SH3RF3: variants seen among roughly 807,000 people sequenced by gnomAD.
The protein encoded by SH3RF3 is SH3 domain containing ring finger 3.
SH3RF3 carries 29 observed loss-of-function variants against 66.3 expected under a neutral mutation model. The observed-to-expected ratio is 0.44, with a 90% confidence interval of 0.33 to 0.60. The LOEUF (loss-of-function observed/expected upper bound fraction) is 0.60. Ranked by LOEUF, SH3RF3 falls within the 20% of genes least tolerant of loss-of-function variation. The pLI, the probability that SH3RF3 is intolerant of heterozygous loss-of-function variation, is 0.04. For missense variants in SH3RF3, 1,194 were observed against 1,190.9 expected (o/e 1.00, Z -0.04); for synonymous variants, 583 against 532.0 (o/e 1.10, Z -1.32).
At chr2:109,153,555 C>T (rs112629048) in intron 1 of SH3RF3, among the ~76,000 whole-genome samples, 89 of 152,306 alleles carry the variant, frequency 5.8e-4, no homozygotes, top group African/African-American at 1.7e-3. Flanking sequence ...GCCTTATCAC[C>T]GGGTCACCTG....
At chr2:109,450,495 T>C (rs1677837685) in intron 8 of SH3RF3, among the ~76,000 whole-genome samples, 3 of 152,238 alleles carry the variant, frequency 2.0e-5, no homozygotes, top group Non-Finnish European at 2.9e-5. Flanking sequence ...TCAAATCTAA[T>C]TTTAAATTTT....
At chr2:109,393,787 T>A (rs1453325025) in intron 3 of SH3RF3, among the ~76,000 whole-genome samples, 2 of 152,070 alleles carry the variant, frequency 1.3e-5, no homozygotes, top group Non-Finnish European at 2.9e-5. Flanking sequence ...GCTGTTTTTC[T>A]TTTGAAGCTG....
chr2:109,437,125 G>C lies in SH3RF3; in HGVS notation c.1807G>C (p.Ala603Pro), dbSNP rs1395470772. Residue 603 changes from alanine (A) to proline (P), a missense_variant, in exon 7 of 10, where the codon GCC (alanine) becomes CCC (proline). Physicochemically the swap from Ala to Pro is conservative, Grantham distance 27. Coordinates refer to ENST00000309415, the MANE Select transcript of SH3RF3 (RefSeq NM_001099289.3). ...CTCAGCCCAGCCAACGGCCAGCCAA[G>C]CCCGGAGCACCATTTCAACAGGTAC... ...RHSAQPTASQ[A>P]RSTISTAAHS... is the part of the protein sequence containing the mutation. The C allele has an allele frequency of 6.2e-7, 1 of 1,611,964 alleles. No homozygotes were observed. Among genetic ancestry groups the C allele is most frequent in the Admixed American group, 1.7e-5 (1 of 59,910 alleles).
At chr2:109,382,801 C>G (rs1327214295) in intron 3 of SH3RF3, among the ~76,000 whole-genome samples, 1 of 152,236 alleles carries the variant, frequency 6.6e-6, no homozygotes, top group African/African-American at 2.4e-5. Flanking sequence ...GTTAGCACCC[C>G]CAATGTTCTC....
chr2:109,459,414 G>A (rs984758912), intron 8 of SH3RF3, among the ~76,000 whole-genome samples: 5 of 152,128 alleles, frequency 3.3e-5, no homozygotes, highest in African/African-American at 4.8e-5. Context: ...CCCTTACCTG[G>A]TGGGGTGATC....
In SH3RF3 at chr2:109,501,367, A is replaced by T. The variant is rs1364401975; in HGVS notation, c.2481-136A>T. 5.9e-6 allele frequency: 3 copies of T among 508,916 alleles called. No homozygotes were observed. The East Asian group carries it at 8.8e-5, about 15-fold the overall frequency. 31.5% of individuals were successfully genotyped at this position (508,916 alleles called of 1,614,324 possible). On this transcript the variant is annotated intron_variant, in intron 9 of 9. Coordinates refer to ENST00000309415, the MANE Select transcript of SH3RF3 (RefSeq NM_001099289.3). ...CCAGAGTTTTGAAAAAATTAAAAAT[A>T]AAGATAAATAGAAATTGTATAAAGT...
At chr2:109,339,202 AC>A (rs1291947882) in intron 1 of SH3RF3, among the ~76,000 whole-genome samples, 1 of 148,144 alleles carries the variant, frequency 6.8e-6, no homozygotes, top group Non-Finnish European at 1.5e-5. Context: ...ACTCGGTATA[AC>A]TTTTATTGAA....
At chr2:109,218,132 G>GAT (rs1262266661) in intron 1 of SH3RF3, among the ~76,000 whole-genome samples, 2 of 145,992 alleles carry the variant, frequency 1.4e-5, no homozygotes. Flanking sequence ...GAAAACCATT[G>GAT]TCCTCTCCTT....
chr2:109,238,490 TGTGTGTGTGAGA>T lies in SH3RF3; in HGVS notation c.573+108381_573+108392del, dbSNP rs1360556715. 2.8e-3 allele frequency among the ~76,000 whole-genome samples: 350 copies of T among 126,086 alleles called. 1 individual carries two copies. Among genetic ancestry groups the T allele is most frequent in the African/African-American group, 0.011 (341 of 31,494 alleles). 82.7% of individuals were successfully genotyped at this position (126,086 alleles called of 152,430 possible). The stretch of plus-strand genomic sequence containing the variant: ...GTGTGTGTGTGTGTGTGTGTGTGTG[TGTGTGTGTGAGA>T]GTGAGACAGAGCCTCACCTTGTTGC... On this transcript the variant is annotated intron_variant, in intron 1 of 9. Transcript: ENST00000309415.
intron 1 of SH3RF3, among the ~76,000 whole-genome samples, chr2:109,238,449 TTGTGTGTG>T (rs56112018): frequency 0.065 from 9,291 of 142,604 alleles, 311 homozygotes; most frequent in South Asian, 0.073. Flanking sequence ...TTATGTATAT[TTGTGTGTG>T]TGTGTGTGTG....
Position 109,449,383 on chromosome 2 carries a change from G to C in SH3RF3, c.2042G>C (p.Ser681Thr). ...AASAITPPNV[S>T]AANLNGEAGG... ...TCAGCCATCACACCTCCCAACGTCAGTGCCGCAAACCTCAACGGGGAGGCT... is the reference window on the plus strand; with the variant it reads ...TCAGCCATCACACCTCCCAACGTCACTGCCGCAAACCTCAACGGGGAGGCT... The change falls in exon 8 of 10, where the codon AGT becomes ACT. Residue 681 changes from serine (S) to threonine (T), a missense_variant. Transcript: ENST00000309415. 2 of 1,612,108 alleles carry C rather than the reference G, an allele frequency of 1.2e-6. 1 individual carries two copies.
chr2:109,397,401 A>G (rs1676178871), intron 3 of SH3RF3, among the ~76,000 whole-genome samples: 2 of 152,284 alleles, frequency 1.3e-5, no homozygotes, highest in African/African-American at 4.8e-5. Context: ...TCATCCCATG[A>G]TGATTCTAGT....
intron 8 of SH3RF3, among the ~76,000 whole-genome samples, chr2:109,485,893 CCCTGGCCCTT>C (rs1678963942): frequency 1.3e-5 from 2 of 152,278 alleles, no homozygotes. Flanking sequence ...CCCTGGCCCT[CCCTGGCCCTT>C]GATCTCCTAC....
rs142402141 is a variant in SH3RF3 at position 109,244,147 on chromosome 2, A to ATT, written c.574-103520_574-103519dup. 7.9e-4 allele frequency among the ~76,000 whole-genome samples: 120 copies of ATT among 152,098 alleles called. 1 individual carries two copies. The highest frequency in any genetic ancestry group is 2.7e-3 in the African/African-American group (113 of 41,514). On this transcript the variant is annotated intron_variant, in intron 1 of 9. Coordinates refer to ENST00000309415, the MANE Select transcript of SH3RF3 (RefSeq NM_001099289.3). ...ACAATTCAGCAAATCCTCTGTAGCT[A>ATT]TTTTTTTTGTACTGTTTGAAGGATG...
At chr2:109,358,094 T>C (rs1682987654) in intron 2 of SH3RF3, among the ~76,000 whole-genome samples, 1 of 152,206 alleles carries the variant, frequency 6.6e-6, no homozygotes, top group Non-Finnish European at 1.5e-5. Context: ...ACCTTTGTAC[T>C]GTCTTCATAG....
At chr2:109,133,131 G>A (rs1676735323) in intron 1 of SH3RF3, among the ~76,000 whole-genome samples, 1 of 152,176 alleles carries the variant, frequency 6.6e-6, no homozygotes, top group South Asian at 2.1e-4. Context: ...CTCTCAGAAG[G>A]TACCCGTGGG....
At position 109,449,250 on chromosome 2, in the gene SH3RF3, C is replaced by A; in HGVS notation, c.1909C>A (p.Leu637Met). ...GCGCACCCAGAACTCTCCATCCCGCCTGCCTGCCACCAGCCTCAGGCCCCA... is the reference window on the plus strand; with the variant it reads ...GCGCACCCAGAACTCTCCATCCCGCATGCCTGCCACCAGCCTCAGGCCCCA... ...PLRTQNSPSR[L>M]PATSLRPHSV... The change falls in exon 8 of 10, where the codon CTG becomes ATG. Residue 637 changes from leucine to methionine, a missense_variant. Physicochemically the swap from Leu to Met is conservative, Grantham distance 15 (BLOSUM62 2). Transcript: ENST00000309415. 6.2e-7 allele frequency: 1 copy of A among 1,612,846 alleles called. No homozygotes were observed.
At chr2:109,340,939 A>G (rs1005677071) in intron 1 of SH3RF3, among the ~76,000 whole-genome samples, 12 of 152,220 alleles carry the variant, frequency 7.9e-5, no homozygotes, top group Admixed American at 2.6e-4. Context: ...ATCCTCTCCA[A>G]TCTGGCTGCA....
At chr2:109,206,155 A>G (rs1193741005) in intron 1 of SH3RF3, among the ~76,000 whole-genome samples, 1 of 152,086 alleles carries the variant, frequency 6.6e-6, no homozygotes. Flanking sequence ...GTAGAATGTT[A>G]TTCTGGGGAC....
Sources: gnomAD v4.1 joint callset for allele counts (sites outside exome capture counted in the v4.1 genomes callset) on GRCh38, gnomAD v4.1.1 for gene constraint, MANE v1.5 for transcripts, NCBI Gene and HGNC (gene_info 2026-07-23, HGNC 2026-07-21) for gene names.